Variants in CHD1L observed in about 807,000 individuals in gnomAD.
The protein encoded by CHD1L is chromodomain helicase DNA binding protein 1 like.
A neutral mutation model predicts 115.9 loss-of-function variants in CHD1L; 118 were observed. That is an observed-to-expected ratio of 1.02 (90% CI 0.88 to 1.19). The LOEUF is 1.19. Among genes scored for constraint, CHD1L ranks in the 50% most tolerant of loss-of-function variants. The probability of loss-of-function intolerance (pLI) is 0.00; values close to 1 mark genes in which losing one functional copy is unlikely to be tolerated. For missense variants in CHD1L, 1,179 were observed against 1,065.3 expected (o/e 1.11, Z -1.49); for synonymous variants, 411 against 387.1 (o/e 1.06, Z -0.72).
At chr1:147,178,396 TA>T in the CHD1L span, 13 of 1,610,846 alleles carry the variant, frequency 8.1e-6, no homozygotes, top group Admixed American at 2.0e-4. Context: ...CTGTAATAAA[TA>T]TGGAGTCAGT....
intron 16 of CHD1L, 69 bp downstream of exon 16, chr1:147,284,568 T>C: frequency 9.5e-7 from 1 of 1,056,370 alleles, no homozygotes; most frequent in East Asian, 2.6e-5. Flanking sequence ...AAAAAAATGA[T>C]GCTGGCATCG....
chr1:147,294,242 C>T (rs1226370841), intron 21 of CHD1L, among the ~76,000 whole-genome samples, 167 bp from the exon 22 acceptor site: 1 of 149,636 alleles, frequency 6.7e-6, no homozygotes, highest in Admixed American at 6.8e-5. Context: ...TTGTGTTCAA[C>T]AGAATAATTT....
chr1:147,270,432 TGAGAG>T (rs1231344799), intron 10 of CHD1L, among the ~76,000 whole-genome samples: 1 of 152,122 alleles, frequency 6.6e-6, no homozygotes, highest in Non-Finnish European at 1.5e-5. Flanking sequence ...TAGCTGTAGA[TGAGAG>T]GATAGTGACT....
At chr1:147,282,194 T>C (rs944842330) in intron 15 of CHD1L, among the ~76,000 whole-genome samples, 2 of 152,216 alleles carry the variant, frequency 1.3e-5, no homozygotes, top group Admixed American at 1.3e-4. Context: ...GTGAGTCAGC[T>C]TTTACATGGA....
chr1:147,241,382 C>T (rs995480271), upstream of CHD1L, among the ~76,000 whole-genome samples: 1 of 152,122 alleles, frequency 6.6e-6, no homozygotes. Flanking sequence ...GCTCCCCTAC[C>T]GAGCACCTTG....
chr1:147,271,038 C>G (rs1209625098), intron 11 of CHD1L, 33 bp downstream of exon 11: 19 of 1,533,018 alleles, frequency 1.2e-5, no homozygotes, highest in Non-Finnish European at 1.5e-5. Flanking sequence ...TTACCTAAGG[C>G]TCTGTTAGAC....
At chr1:147,239,189 AC>A (rs369585748), upstream of CHD1L, among the ~76,000 whole-genome samples, 2 of 151,034 alleles carry the variant, frequency 1.3e-5, no homozygotes, top group African/African-American at 4.9e-5. Flanking sequence ...TTTTAACTAG[AC>A]CCCCCCTCCC....
rs111296687 is a variant in CHD1L, at chr1:147,266,041, A to C, written c.849A>C (p.Ser283=). 8.4e-5 allele frequency: 135 copies of C among 1,613,764 alleles called. 1 individual carries two copies. In the East Asian group the frequency reaches 2.9e-3, roughly 35 times the overall value. ...AAGTAGTGATATACCATGGCATGTC[A>C]GCATTGCAGAAGAAATACTACAAGG... is the stretch of plus-strand genomic sequence containing the variant. ...KTEVVIYHGM[S]ALQKKYYKAI... The change falls in exon 8 of 23, where the codon TCA becomes TCC. Residue 283 remains serine, a synonymous_variant. Coordinates refer to ENST00000369258, the MANE Select transcript of CHD1L (RefSeq NM_004284.6).
chr1:147,193,564 G>T, the CHD1L span, among the ~76,000 whole-genome samples: 1 of 151,992 alleles, frequency 6.6e-6, no homozygotes, highest in African/African-American at 2.4e-5. Context: ...GAATGTGTTT[G>T]CTCTTGCTTT....
the CHD1L span, chr1:147,223,418 T>G: frequency 6.6e-6 from 1 of 152,284 alleles, no homozygotes; most frequent in Non-Finnish European, 1.5e-5. Context: ...ATAAAGCCAC[T>G]TTTATGTAGC....
At chr1:147,231,502 T>C in the CHD1L span, among the ~76,000 whole-genome samples, 1 of 152,050 alleles carries the variant, frequency 6.6e-6, no homozygotes, top group Non-Finnish European at 1.5e-5. Flanking sequence ...GGGTGGAGAG[T>C]TCTGTAGATG....
At chr1:147,291,023 C>A (rs1326257233) in intron 19 of CHD1L, among the ~76,000 whole-genome samples, 3 of 152,060 alleles carry the variant, frequency 2.0e-5, no homozygotes, top group African/African-American at 7.2e-5. Flanking sequence ...TTATGTAAAG[C>A]CATAGAATTA....
Position 147,254,875 on chromosome 1 carries a change from T to G in CHD1L, c.246T>G (p.Ile82Met). The change falls in exon 3 of 23, where the codon ATT becomes ATG. Residue 82 changes from isoleucine to methionine, a missense_variant. Transcript: ENST00000369258. ...EMGLGKTCQT[I>M]ALFIYLAGRL... ...TTTCTTTTTCTGTGTTCCAGACTAT[T>G]GCTCTCTTCATTTATTTGGCAGGAA... 6.2e-7 allele frequency: 1 copy of G among 1,600,246 alleles called. No individual in the cohort carries two copies. The highest frequency in any genetic ancestry group is 8.5e-7 in the Non-Finnish European group (1 of 1,175,212).
chr1:147,204,285 T>A, the CHD1L span: 1 of 990,510 alleles, frequency 1.0e-6, no homozygotes, highest in Non-Finnish European at 1.6e-6. Context: ...CATGCAATAC[T>A]GAAGAGGAAG....
At chr1:147,203,657 T>C in the CHD1L span, 3 of 1,410,414 alleles carry the variant, frequency 2.1e-6, no homozygotes, top group Admixed American at 3.4e-5. Context: ...TGTCTCTCCA[T>C]ATGATGTGAT....
the CHD1L span, chr1:147,212,315 G>C: frequency 6.9e-7 from 1 of 1,459,430 alleles, no homozygotes; most frequent in Non-Finnish European, 9.5e-7. Context: ...CCTATTCTCT[G>C]TTGGGTCCAC....
the CHD1L span, among the ~76,000 whole-genome samples, chr1:147,234,998 C>T: frequency 6.6e-6 from 1 of 151,910 alleles, no homozygotes; most frequent in South Asian, 2.1e-4. Flanking sequence ...AAATGTATAA[C>T]CATCTTGTGG....
Position 147,257,223 on chromosome 1 carries a change from T to C in CHD1L, c.494+661T>C, listed in dbSNP as rs1034513391. ...CTCTATAACCTCTGTAGTTATTACA[T>C]GGTTAGGTGGATATTCTGTATTTTA... On this transcript the variant is annotated intron_variant, in intron 5 of 22. Transcript: ENST00000369258. 5.9e-5 allele frequency among the ~76,000 whole-genome samples: 9 copies of C among 152,308 alleles called. No homozygotes were observed. In the East Asian group the frequency reaches 1.7e-3, roughly 29 times the overall value.
At chr1:147,219,964 G>T in the CHD1L span, among the ~76,000 whole-genome samples, 1 of 151,720 alleles carries the variant, frequency 6.6e-6, no homozygotes, top group African/African-American at 2.4e-5. Flanking sequence ...TCAGCCTCCG[G>T]AGTAACTGGG....
Sources: allele counts gnomAD v4.1 joint callset (sites outside exome capture counted in the v4.1 genomes callset), GRCh38; gene constraint gnomAD v4.1.1; transcripts MANE v1.5; gene names NCBI Gene and HGNC (gene_info 2026-07-23, HGNC 2026-07-21).